ADAMTS19: variants seen among roughly 807,000 people sequenced by gnomAD.
ADAMTS19 encodes ADAM metallopeptidase with thrombospondin type 1 motif 19.
ADAMTS19 carries 93 observed loss-of-function variants against 153.3 expected under a neutral mutation model. The ratio of observed to expected loss-of-function variants is 0.61; its 90% CI spans 0.51 to 0.72. The LOEUF (loss-of-function observed/expected upper bound fraction) is 0.72. Among genes scored for constraint, ADAMTS19 ranks in the 30% least tolerant of loss-of-function variants. The pLI is 0.00. For synonymous variants in ADAMTS19, 600 were observed against 556.6 expected, an observed-to-expected ratio of 1.08 and a Z score of -1.10; for missense variants, 1,482 against 1,552.1, an observed-to-expected ratio of 0.95 and a Z score of 0.76.
At chr5:129,537,551 A>T (rs1752491150) in intron 6 of ADAMTS19, among the ~76,000 whole-genome samples, 2 of 151,924 alleles carry the variant, frequency 1.3e-5, no homozygotes, top group African/African-American at 4.8e-5. Flanking sequence ...GATAGACTGG[A>T]TTAAGAAAAT....
At chr5:129,557,308 C>T (rs1753348128) in intron 7 of ADAMTS19, among the ~76,000 whole-genome samples, 3 of 152,116 alleles carry the variant, frequency 2.0e-5, no homozygotes, top group Non-Finnish European at 4.4e-5. Context: ...TCTTTAAAAG[C>T]TACCCATGGC....
chr5:129,613,998 T>A (rs917467135), intron 8 of ADAMTS19, among the ~76,000 whole-genome samples: 12 of 152,178 alleles, frequency 7.9e-5, no homozygotes, highest in Admixed American at 6.5e-4. Flanking sequence ...AGAAGTTGAA[T>A]CTCTGAATAG....
At chr5:129,631,206 A>G (rs539601583) in intron 10 of ADAMTS19, among the ~76,000 whole-genome samples, 4 of 131,610 alleles carry the variant, frequency 3.0e-5, no homozygotes, top group South Asian at 4.7e-4. Context: ...CACCTCTTAT[A>G]TGATCCAAAC....
At chr5:129,638,253 T>G (rs750831903) in intron 10 of ADAMTS19, among the ~76,000 whole-genome samples, 1 of 152,230 alleles carries the variant, frequency 6.6e-6, no homozygotes, top group Non-Finnish European at 1.5e-5. Flanking sequence ...TTAACAGGCT[T>G]AACTATTCTG....
chr5:129,600,348 T>G (rs1750589813), intron 8 of ADAMTS19, among the ~76,000 whole-genome samples: 1 of 152,142 alleles, frequency 6.6e-6, no homozygotes, highest in Non-Finnish European at 1.5e-5. Context: ...TTGCGTTAAA[T>G]TTTATAAGTG....
chr5:129,702,922 G>T (rs1755946809), intron 20 of ADAMTS19, among the ~76,000 whole-genome samples: 1 of 37,032 alleles, frequency 2.7e-5, no homozygotes, highest in African/African-American at 1.2e-4. Context: ...GGCATAGTTT[G>T]ACTTGCCAAA....
At chr5:129,622,669 G>A (rs1055369587) in intron 10 of ADAMTS19, among the ~76,000 whole-genome samples, 1 of 151,992 alleles carries the variant, frequency 6.6e-6, no homozygotes, top group African/African-American at 2.4e-5. Flanking sequence ...TCCATTATCT[G>A]CAGGAATTGG....
intron 10 of ADAMTS19, among the ~76,000 whole-genome samples, chr5:129,635,987 C>G (rs1298420270): frequency 6.6e-6 from 1 of 152,102 alleles, no homozygotes; most frequent in Non-Finnish European, 1.5e-5. Context: ...ACCTCCAGCT[C>G]CCAGGTTCAA....
intron 7 of ADAMTS19, among the ~76,000 whole-genome samples, chr5:129,583,268 CAG>C: frequency 6.6e-6 from 1 of 152,258 alleles, no homozygotes; most frequent in East Asian, 1.9e-4. Flanking sequence ...AGGGTTTCTG[CAG>C]AGAGATCTGG....
At chr5:129,558,909 G>A (rs530454069) in intron 7 of ADAMTS19, among the ~76,000 whole-genome samples, 1 of 76,310 alleles carries the variant, frequency 1.3e-5, no homozygotes, top group Non-Finnish European at 2.6e-5. Flanking sequence ...AAAAACAGGA[G>A]TCTATTTTTG....
intron 3 of ADAMTS19, among the ~76,000 whole-genome samples, chr5:129,524,759 G>GA (rs76679982): frequency 0.01 from 1,428 of 138,056 alleles, 18 homozygotes; most frequent in African/African-American, 0.029. Flanking sequence ...AACTTGAAGG[G>GA]AAAAAAAAAA....
chr5:129,731,058 A>G (rs1183412119), intron 21 of ADAMTS19, among the ~76,000 whole-genome samples: 1 of 151,980 alleles, frequency 6.6e-6, no homozygotes, highest in African/African-American at 2.4e-5. Context: ...TCTTGGATTC[A>G]AGCAATTCTC....
At chr5:129,732,562 A>G (rs868808211) in intron 21 of ADAMTS19, among the ~76,000 whole-genome samples, 29 of 152,108 alleles carry the variant, frequency 1.9e-4, no homozygotes, top group African/African-American at 6.3e-4. Flanking sequence ...GGTCCCATTT[A>G]CAATAACCAC....
Position 129,648,845 on chromosome 5 carries a change from G to A in ADAMTS19, c.2051G>A (p.Arg684Lys). 1 of 1,613,948 alleles carries A rather than the reference G, an allele frequency of 6.2e-7. No individual in the cohort carries two copies. The change falls in exon 13 of 23, where the codon AGA becomes AAA. Residue 684 changes from arginine (R) to lysine (K), a missense_variant. By Grantham distance (26) the Arg-to-Lys change is conservative. Around this residue, in one of 2 missense-constraint regions of ADAMTS19, gnomAD observed 616 missense variants for 724.4 expected, o/e 0.85. Transcript: ENST00000274487. ...TGTAATGGTCCCAGAAAACAATACA[G>A]AATATGTGAGAATCCACCTTGTCCT... The part of the protein sequence containing the change: ...RDCNGPRKQY[R>K]ICENPPCPAG...
At chr5:129,534,750 G>T (rs1752351102) in intron 6 of ADAMTS19, among the ~76,000 whole-genome samples, 1 of 152,154 alleles carries the variant, frequency 6.6e-6, no homozygotes, top group Admixed American at 6.5e-5. Flanking sequence ...TCATCCCTGA[G>T]ATGCAAGGCT....
In ADAMTS19 at chr5:129,460,661, C is replaced by T. The variant is rs151109408; in HGVS notation, c.91+179C>T. 26 of 661,558 alleles carry T rather than the reference C, an allele frequency of 3.9e-5. No individual in the cohort carries two copies. The African/African-American group carries it at 4.7e-4, about 12-fold the overall frequency. 41.0% of individuals were successfully genotyped at this position (661,558 alleles called of 1,614,324 possible). On this transcript the variant is annotated intron_variant, in intron 1 of 22. Transcript: ENST00000274487. ...AGTTCGGAAATGAAGCACACTTCTGCCGGCCTCGTTTTAACCGTATGTGGA... is the reference window on the plus strand; with the variant it reads ...AGTTCGGAAATGAAGCACACTTCTGTCGGCCTCGTTTTAACCGTATGTGGA...
intron 3 of ADAMTS19, among the ~76,000 whole-genome samples, chr5:129,522,332 C>CATAT (rs1209637522): frequency 0.067 from 3,899 of 58,320 alleles, 230 homozygotes; most frequent in African/African-American, 0.11. Flanking sequence ...CACACACACA[C>CATAT]ATATATATAT....
At chr5:129,535,561 C>A (rs1352271315) in intron 6 of ADAMTS19, among the ~76,000 whole-genome samples, 1 of 152,144 alleles carries the variant, frequency 6.6e-6, no homozygotes, top group Non-Finnish European at 1.5e-5. Context: ...GAAAAAGCTA[C>A]TTTAAAGTTC....
intron 6 of ADAMTS19, among the ~76,000 whole-genome samples, chr5:129,539,499 A>G (rs182665368): frequency 1.2e-4 from 18 of 152,180 alleles, no homozygotes; most frequent in Non-Finnish European, 2.4e-4. Context: ...TGACAAGATA[A>G]CAAATTTGTG....
Sources: gnomAD v4.1 joint callset for allele counts (sites outside exome capture counted in the v4.1 genomes callset) on GRCh38, gnomAD v4.1.1 for gene constraint, gnomAD v4.1.1 regional missense constraint, MANE v1.5 for transcripts, NCBI Gene and HGNC (gene_info 2026-07-23, HGNC 2026-07-21) for gene names.